The following MFHAS1 variants were observed in gnomAD, a reference collection of about 807,000 sequenced individuals.
MFHAS1 encodes the protein malignant fibrous histiocytoma-amplified sequence 1.
MFHAS1 carries 50 observed loss-of-function variants against 70.4 expected under a neutral mutation model. The observed-to-expected ratio is 0.71, with a 90% CI of 0.57 to 0.90. The LOEUF is 0.90. Among genes scored for constraint, MFHAS1 ranks in the 40% least tolerant of loss-of-function variants. The pLI, the probability that MFHAS1 is intolerant of heterozygous loss-of-function variation, is 0.00. For missense variants in MFHAS1, 1,795 were observed against 1,347.6 expected (o/e 1.33, Z -5.20); for synonymous variants, 952 against 620.0 (o/e 1.54, Z -7.96).
chr8:8,790,676 A>G (rs1231701775), intron 2 of MFHAS1, among the ~76,000 whole-genome samples: 1 of 152,220 alleles, frequency 6.6e-6, no homozygotes, highest in East Asian at 1.9e-4. Flanking sequence ...TTCTGTGGTC[A>G]GTGAAAAATT....
Position 8,890,522 on chromosome 8 carries a change from G to C in MFHAS1, c.2537C>G (p.Ala846Gly), listed in dbSNP as rs75923733. ...PKGKPLNGSTAWYKFPCYVQN... is the reference protein window; with the variant it reads ...PKGKPLNGSTGWYKFPCYVQN... ...CACATAGCATGGGAACTTGTACCAA[G>C]CTGTGGACCCATTCAAAGGCTTGCC... is the stretch of plus-strand genomic sequence containing the variant. Residue 846 changes from alanine (A) to glycine (G), a missense_variant, in exon 1 of 3, where the codon GCT (alanine) becomes GGT (glycine). Transcript: ENST00000276282. 3,718 of 1,613,484 alleles carry C rather than the reference G, an allele frequency of 2.3e-3. 9 individuals are homozygous for C. Among genetic ancestry groups the C allele is most frequent in the Non-Finnish European group, 3.0e-3 (3,504 of 1,180,054 alleles).
intron 1 of MFHAS1, among the ~76,000 whole-genome samples, chr8:8,831,725 C>A (rs11987276): frequency 6.6e-6 from 1 of 151,852 alleles, no homozygotes; most frequent in South Asian, 2.1e-4. Context: ...TCTTGTGCCT[C>A]AGCCTCCTGA....
intron 1 of MFHAS1, among the ~76,000 whole-genome samples, chr8:8,840,211 C>T (rs1261483802): frequency 1.3e-5 from 2 of 152,192 alleles, no homozygotes; most frequent in Non-Finnish European, 2.9e-5. Flanking sequence ...AATCTCAGCA[C>T]TTTGGGAGGC....
At chr8:8,817,337 A>T (rs978733092) in intron 1 of MFHAS1, among the ~76,000 whole-genome samples, 1 of 152,214 alleles carries the variant, frequency 6.6e-6, no homozygotes, top group Non-Finnish European at 1.5e-5. Context: ...TTGTTAATTG[A>T]CGTCCATTTG....
rs754940684 is a variant in MFHAS1 at position 8,890,079 on chromosome 8, T to G, written c.2980A>C (p.Asn994His). Residue 994 changes from asparagine (N) to histidine (H), a missense_variant, in exon 1 of 3, where the codon AAT becomes CAT. Transcript: ENST00000276282. Reference sequence around the variant, plus strand: ...CACTTACCTGGAAAAGCATGTGGATTGGGCGATCCTCTCTTAAGGCACTTA... The same window carrying G: ...CACTTACCTGGAAAAGCATGTGGATGGGGCGATCCTCTCTTAAGGCACTTA... ...CSKCLKRGSP[N>H]PHAFPGELLS... is the part of the protein sequence containing the mutation. 15 of 1,602,996 alleles carry G rather than the reference T, an allele frequency of 9.4e-6. No homozygotes were observed. In the African/African-American group the frequency reaches 1.9e-4, roughly 20 times the overall value.
At chr8:8,856,980 GAAAAAAAAAAAAAAA>G (rs59496543) in intron 1 of MFHAS1, among the ~76,000 whole-genome samples, 11 of 53,392 alleles carry the variant, frequency 2.1e-4, no homozygotes, top group East Asian at 1.8e-3. Context: ...TCAGGAAAGT[GAAAAAAAAAAAAAAA>G]AAAAAAAAAA....
At chr8:8,820,943 G>C (rs181554477) in intron 1 of MFHAS1, among the ~76,000 whole-genome samples, 74 of 152,304 alleles carry the variant, frequency 4.9e-4, no homozygotes, top group African/African-American at 1.7e-3. Context: ...GTGAGAGAGA[G>C]AAGCTCTCAA....
intron 1 of MFHAS1, among the ~76,000 whole-genome samples, chr8:8,821,502 T>G (rs1023315858): frequency 6.6e-6 from 1 of 152,192 alleles, no homozygotes; most frequent in Non-Finnish European, 1.5e-5. Context: ...ATGCCACAGG[T>G]TATGAAAATA....
In MFHAS1 at chr8:8,890,330, G is replaced by T. The variant is rs760378998; in HGVS notation, c.2729C>A (p.Ser910Ter). 1.2e-6 allele frequency: 2 copies of T among 1,614,152 alleles called. No homozygotes were observed. The highest frequency in any genetic ancestry group is 1.7e-6 in the Non-Finnish European group (2 of 1,180,038). ...GGCAAAGATCTGAAATTTACCATCC[G>T]ACCTGTGCACCACATGGCTGTTGAT... ...VQINSHVVHR[S>*]DGKFQIFAYR... The change falls in exon 1 of 3, where the codon TCG becomes TAG. Residue 910 changes from serine to a stop codon, truncating the protein, a stop_gained. Coordinates refer to ENST00000276282, the MANE Select transcript of MFHAS1 (RefSeq NM_004225.3). LOFTEE classifies it high-confidence loss of function.
At chr8:8,884,430 C>A (rs1031455690) in intron 1 of MFHAS1, among the ~76,000 whole-genome samples, 1 of 152,134 alleles carries the variant, frequency 6.6e-6, no homozygotes, top group Non-Finnish European at 1.5e-5. Context: ...TCAATCCAAA[C>A]AACTAGGTCA....
At chr8:8,861,012 C>T (rs1395478664) in intron 1 of MFHAS1, among the ~76,000 whole-genome samples, 1 of 152,118 alleles carries the variant, frequency 6.6e-6, no homozygotes, top group East Asian at 1.9e-4. Context: ...TCCCTATTAG[C>T]GATTATGACA....
At position 8,869,444 on chromosome 8, in the gene MFHAS1, C is replaced by T. The variant is rs376073670; in HGVS notation, c.2998+20617G>A. On this transcript the variant is annotated intron_variant, in intron 1 of 2. Transcript: ENST00000276282. ...CATTTATCTTTGCGGTATTTTAAAG[C>T]GGTGACAGGTTACTAGATATTTATA... is the stretch of plus-strand genomic sequence containing the variant. 3.4e-4 allele frequency among the ~76,000 whole-genome samples: 51 copies of T among 152,204 alleles called. 1 individual carries two copies. In the East Asian group the frequency reaches 6.2e-3, roughly 18 times the overall value.
intron 1 of MFHAS1, among the ~76,000 whole-genome samples, chr8:8,854,112 A>C (rs903381843): frequency 4.6e-5 from 7 of 152,196 alleles, no homozygotes; most frequent in Admixed American, 6.5e-5. Context: ...AAACAAAAAT[A>C]TACGCTGGGT....
At chr8:8,887,288 T>C (rs1809796823) in intron 1 of MFHAS1, among the ~76,000 whole-genome samples, 1 of 152,238 alleles carries the variant, frequency 6.6e-6, no homozygotes, top group African/African-American at 2.4e-5. Flanking sequence ...TGTTCCCACA[T>C]TTAGCTTTTA....
chr8:8,874,942 GA>G (rs1230451826), intron 1 of MFHAS1, among the ~76,000 whole-genome samples: 1 of 149,060 alleles, frequency 6.7e-6, no homozygotes, highest in Admixed American at 6.7e-5. Context: ...GATGATGCCA[GA>G]AGATGTTATT....
rs752677162 is a variant in MFHAS1 at position 8,892,766 on chromosome 8, C to A, written c.293G>T (p.Arg98Leu). The A allele has an allele frequency of 4.4e-6, 7 of 1,579,280 alleles. No homozygotes were observed. Among genetic ancestry groups the A allele is most frequent in the African/African-American group, 2.7e-5 (2 of 74,076 alleles). The change falls in exon 1 of 3, where the codon CGC becomes CTC. Residue 98 changes from arginine (R) to leucine (L), a missense_variant. Coordinates refer to ENST00000276282, the MANE Select transcript of MFHAS1 (RefSeq NM_004225.3). This position sits in a 1 kb window ranked among gnomAD's most constrained non-coding sequence, Gnocchi z 4.7. Reference protein sequence around the residue: ...SLRVLVLRRNRFARLPPAVAE... With the variant: ...SLRVLVLRRNLFARLPPAVAE... ...CACCGCCGGGGGCAGCCGGGCGAAG[C>A]GGTTCCTGCGCAGGACCAGGACGCG...
intron 1 of MFHAS1, among the ~76,000 whole-genome samples, chr8:8,870,006 G>A (rs530766028): frequency 6.6e-6 from 1 of 152,136 alleles, no homozygotes; most frequent in Admixed American, 6.5e-5. Context: ...TGAGTGTGCT[G>A]ACAAAATGGA....
At chr8:8,849,496 C>T (rs1054559630) in intron 1 of MFHAS1, among the ~76,000 whole-genome samples, 1 of 152,156 alleles carries the variant, frequency 6.6e-6, no homozygotes, top group African/African-American at 2.4e-5. Context: ...TGCACTTACA[C>T]GTGTGTGTAT....
chr8:8,814,445 G>C (rs1416778902), intron 1 of MFHAS1, among the ~76,000 whole-genome samples: 1 of 152,194 alleles, frequency 6.6e-6, no homozygotes, highest in African/African-American at 2.4e-5. Context: ...ACTCTGTCAT[G>C]TTCGCACGAT....
Sources: gnomAD v4.1 joint callset for allele counts (sites outside exome capture counted in the v4.1 genomes callset) on GRCh38, gnomAD v4.1.1 for gene constraint, Gnocchi (gnomAD v3.1) non-coding constraint, MANE v1.5 for transcripts, NCBI Gene and HGNC (gene_info 2026-07-23, HGNC 2026-07-21) for gene names.